Variants in RASSF3 observed in about 807,000 individuals in gnomAD.
The protein encoded by RASSF3 is Ras association domain family member 3.
In RASSF3, 19 loss-of-function variants were observed where a neutral mutation model predicts 19.9. The observed-to-expected ratio is 0.96, with a 90% CI of 0.67 to 1.40. RASSF3 has a LOEUF of 1.40. Among genes scored for constraint, RASSF3 ranks in the 40% most tolerant of loss-of-function variants. The probability of loss-of-function intolerance (pLI) is 0.00; values close to 1 mark genes in which losing one functional copy is unlikely to be tolerated. For synonymous variants in RASSF3, 110 were observed against 104.2 expected (o/e 1.06, Z -0.34); for missense variants, 306 against 289.8 (o/e 1.06, Z -0.41).
intron 1 of RASSF3, among the ~76,000 whole-genome samples, chr12:64,647,302 G>T (rs1871769284): frequency 6.6e-6 from 1 of 151,988 alleles, no homozygotes. Flanking sequence ...AGACTGGAGT[G>T]CCGTGGCACG....
At chr12:64,608,131 G>T (rs912300972), upstream of RASSF3, among the ~76,000 whole-genome samples, 2 of 151,886 alleles carry the variant, frequency 1.3e-5, no homozygotes, top group African/African-American at 4.8e-5. Context: ...TGTTGGTCAG[G>T]CTGGATAGGA....
chr12:64,565,905 T>C lies in RASSF3; in HGVS notation c.294+24200T>C, dbSNP rs533849582. Among the ~76,000 whole-genome samples, 4 of 130,564 alleles carry C rather than the reference T, an allele frequency of 3.1e-5. No homozygotes were observed. The South Asian group carries it at 9.7e-4, about 32-fold the overall frequency. 85.7% of individuals were successfully genotyped at this position (130,564 alleles called of 152,430 possible). ...CTCAGAAAAAAAAAAAAAAAAAGGA[T>C]AGAAGAGTCTTGCAGCCGGGCGTGG... On this transcript the variant is annotated intron_variant, in intron 2 of 5. Transcript: ENST00000637125.
chr12:64,683,558 A>G (rs1226632001), intron 1 of RASSF3, among the ~76,000 whole-genome samples: 1 of 152,172 alleles, frequency 6.6e-6, no homozygotes, highest in Non-Finnish European at 1.5e-5. Flanking sequence ...TGGAAGATGA[A>G]TTATCCTCTG....
intron 1 of RASSF3, among the ~76,000 whole-genome samples, chr12:64,644,076 C>T (rs1871641454): frequency 1.3e-5 from 2 of 152,132 alleles, no homozygotes. Flanking sequence ...ATATTTTGCT[C>T]TGCAGGGATA....
At chr12:64,508,606 C>T (rs762067401) in intron 1 of RASSF3, among the ~76,000 whole-genome samples, 4 of 150,636 alleles carry the variant, frequency 2.7e-5, no homozygotes, top group Non-Finnish European at 4.4e-5. Context: ...GCATGCAGAC[C>T]GGGCGCGGCG....
At chr12:64,535,930 G>A (rs1431405847) in intron 1 of RASSF3, among the ~76,000 whole-genome samples, 3 of 149,292 alleles carry the variant, frequency 2.0e-5, no homozygotes, top group African/African-American at 5.0e-5. Context: ...CAGGTGATCC[G>A]CCCACCCTGG....
rs187532370 is a variant in RASSF3 at position 64,664,941 on chromosome 12, C to T, written c.112-19846C>T. On this transcript the variant is annotated intron_variant, in intron 1 of 4. Transcript: ENST00000542104. Reference sequence around the variant, plus strand: ...AAGGCTATTACTAATTATTTCAGTTCTCTATATAGTATTCGTACCTCAGTT... The same window carrying T: ...AAGGCTATTACTAATTATTTCAGTTTTCTATATAGTATTCGTACCTCAGTT... Among the ~76,000 whole-genome samples the T allele has an allele frequency of 1.6e-4, 24 of 152,296 alleles. No individual in the cohort carries two copies. In the East Asian group the frequency reaches 4.4e-3, roughly 28 times the overall value.
At chr12:64,671,282 T>G (rs1049946612) in intron 1 of RASSF3, among the ~76,000 whole-genome samples, 1 of 152,200 alleles carries the variant, frequency 6.6e-6, no homozygotes, top group Non-Finnish European at 1.5e-5. Flanking sequence ...CCTCGAAGAC[T>G]GATCGGGGCT....
chr12:64,555,474 G>A (rs576626671), intron 2 of RASSF3, among the ~76,000 whole-genome samples: 3 of 152,088 alleles, frequency 2.0e-5, no homozygotes, highest in South Asian at 4.2e-4. Context: ...TACCGGCCGG[G>A]CACGGTGGCT....
At chr12:64,508,373 C>T (rs1236382430) in intron 1 of RASSF3, among the ~76,000 whole-genome samples, 8 of 151,164 alleles carry the variant, frequency 5.3e-5, no homozygotes, top group South Asian at 2.1e-4. Context: ...AAAAATTAGC[C>T]GGGCATGGTG....
intron 1 of RASSF3, among the ~76,000 whole-genome samples, chr12:64,684,260 A>AT: frequency 6.7e-6 from 1 of 150,026 alleles, no homozygotes; most frequent in East Asian, 2.0e-4. Flanking sequence ...TAATTTTTGT[A>AT]TTTTTTGTAG....
chr12:64,661,663 C>CTCTTTT (rs1447574717), intron 1 of RASSF3, among the ~76,000 whole-genome samples: 53 of 144,606 alleles, frequency 3.7e-4, no homozygotes, highest in African/African-American at 1.2e-3. Context: ...GACCCCATCT[C>CTCTTTT]TCTTTTTCTT....
intron 1 of RASSF3, among the ~76,000 whole-genome samples, chr12:64,624,996 A>G (rs1463462476): frequency 6.6e-6 from 1 of 152,044 alleles, no homozygotes; most frequent in African/African-American, 2.4e-5. Context: ...AGATCCTCCT[A>G]CATGTGATTA....
intron 4 of RASSF3, among the ~76,000 whole-genome samples, chr12:64,694,242 A>G (rs892700153): frequency 6.6e-6 from 1 of 152,150 alleles, no homozygotes; most frequent in Non-Finnish European, 1.5e-5. Context: ...ATGGGGGAGC[A>G]TAAGAGCCGA....
At chr12:64,541,059 C>T (rs982806624) in intron 1 of RASSF3, among the ~76,000 whole-genome samples, 2 of 143,332 alleles carry the variant, frequency 1.4e-5, no homozygotes, top group Non-Finnish European at 1.5e-5. Context: ...TGGGATTACA[C>T]TTGGGAACCT....
intron 2 of RASSF3, among the ~76,000 whole-genome samples, chr12:64,592,848 G>C (rs1869945969): frequency 6.6e-6 from 1 of 151,874 alleles, no homozygotes; most frequent in African/African-American, 2.4e-5. Flanking sequence ...GTAGAGACAA[G>C]GTCTTGCCAG....
intron 1 of RASSF3, among the ~76,000 whole-genome samples, chr12:64,644,613 C>T (rs1871665767): frequency 6.6e-6 from 1 of 152,000 alleles, no homozygotes; most frequent in South Asian, 2.1e-4. Flanking sequence ...GGGAAGATCA[C>T]CTGAGCCCAG....
intron 1 of RASSF3, among the ~76,000 whole-genome samples, chr12:64,679,343 G>A (rs1018138070): frequency 6.6e-6 from 1 of 152,222 alleles, no homozygotes; most frequent in Non-Finnish European, 1.5e-5. Flanking sequence ...ACGGGCGTGA[G>A]CCACCGCTCC....
At chr12:64,565,865 C>T (rs1246461839) in intron 2 of RASSF3, among the ~76,000 whole-genome samples, 4 of 137,752 alleles carry the variant, frequency 2.9e-5, no homozygotes, top group African/African-American at 8.2e-5. Context: ...CCTGGGCAAC[C>T]GAGCGAGACT....
Sources: allele counts gnomAD v4.1 joint callset (sites outside exome capture counted in the v4.1 genomes callset), GRCh38; gene constraint gnomAD v4.1.1; transcripts MANE v1.5; gene names NCBI Gene and HGNC (gene_info 2026-07-23, HGNC 2026-07-21).